ZNG1A: variants seen among roughly 807,000 people sequenced by gnomAD.
ZNG1A encodes the protein Zn regulated GTPase metalloprotein activator 1A.
chr9:146,418 A>G, the ZNG1A span: 1 of 331,802 alleles, frequency 3.0e-6, no homozygotes. Flanking sequence ...TTATAGCTAA[A>G]AAATCAGCTA....
chr9:138,191 G>C, the ZNG1A span, among the ~76,000 whole-genome samples: 3 of 151,838 alleles, frequency 2.0e-5, no homozygotes, highest in South Asian at 2.1e-4. Flanking sequence ...AATTTGTTTA[G>C]TCTAAAAAGG....
At chr9:168,407 C>T in the ZNG1A span, among the ~76,000 whole-genome samples, 31 of 151,916 alleles carry the variant, frequency 2.0e-4, no homozygotes, top group African/African-American at 6.8e-4. Flanking sequence ...CTCCCACCAC[C>T]AAGCCAGGCT....
At chr9:171,211 C>G in the ZNG1A span, among the ~76,000 whole-genome samples, 1 of 152,102 alleles carries the variant, frequency 6.6e-6, no homozygotes, top group Non-Finnish European at 1.5e-5. Context: ...ACAATAACCA[C>G]TGATCACATT....
the ZNG1A span, among the ~76,000 whole-genome samples, chr9:123,906 G>A: frequency 6.6e-6 from 1 of 151,712 alleles, no homozygotes; most frequent in African/African-American, 2.4e-5. Context: ...ATAAATTGGG[G>A]AAAATAAGGG....
At chr9:123,672 A>G in the ZNG1A span, 1 of 565,940 alleles carries the variant, frequency 1.8e-6, no homozygotes, top group Admixed American at 3.1e-5. Context: ...TAGTATTTAC[A>G]CAAACTACTA....
chr9:158,775 C>A, the ZNG1A span, among the ~76,000 whole-genome samples: 2 of 151,576 alleles, frequency 1.3e-5, no homozygotes, highest in Non-Finnish European at 2.9e-5. Context: ...TATATGTAAT[C>A]ATATACCATT....
chr9:140,362 C>A, the ZNG1A span, among the ~76,000 whole-genome samples: 1 of 151,070 alleles, frequency 6.6e-6, no homozygotes, highest in Admixed American at 6.6e-5. Context: ...ACCCCTGACC[C>A]CCGAGCAGCC....
chr9:158,607 T>C, the ZNG1A span, among the ~76,000 whole-genome samples: 1 of 150,804 alleles, frequency 6.6e-6, no homozygotes, highest in Admixed American at 6.6e-5. Flanking sequence ...ATGTTTTAAA[T>C]GCATTTACCT....
the ZNG1A span, among the ~76,000 whole-genome samples, chr9:170,520 G>T: frequency 1.3e-5 from 2 of 150,644 alleles, no homozygotes; most frequent in Admixed American, 6.6e-5. Context: ...CTGAGTAGCT[G>T]GGATTATGGG....
the ZNG1A span, among the ~76,000 whole-genome samples, chr9:141,637 C>T: frequency 3.3e-5 from 5 of 150,672 alleles, 1 homozygote; most frequent in African/African-American, 7.4e-5. Context: ...CATCAACTAA[C>T]CAGCAAAATA....
chr9:150,563 T>C, the ZNG1A span: 11 of 983,402 alleles, frequency 1.1e-5, no homozygotes, highest in African/African-American at 3.6e-5. Context: ...AGGATTCTAA[T>C]GCAACTTCAG....
At chr9:125,301 T>C in the ZNG1A span, among the ~76,000 whole-genome samples, 1 of 150,246 alleles carries the variant, frequency 6.7e-6, no homozygotes, top group Admixed American at 6.6e-5. Flanking sequence ...ATTTCCCTGA[T>C]CATTAGTGAT....
the ZNG1A span, among the ~76,000 whole-genome samples, chr9:143,530 T>A: frequency 7.7e-5 from 9 of 117,444 alleles, no homozygotes; most frequent in African/African-American, 3.4e-4. Context: ...AATTAGGTAT[T>A]GATGGGACGT....
At chr9:126,978 G>T in the ZNG1A span, among the ~76,000 whole-genome samples, 47 of 151,922 alleles carry the variant, frequency 3.1e-4, no homozygotes, top group Admixed American at 2.7e-3. Context: ...TCCATGTATC[G>T]GCATGGTTTT....
chr9:144,633 TG>T, the ZNG1A span, among the ~76,000 whole-genome samples: 9 of 151,760 alleles, frequency 5.9e-5, no homozygotes, highest in Non-Finnish European at 1.2e-4. Context: ...GACATAGGCA[TG>T]GGCAAGGACT....
At chr9:140,053 G>T in the ZNG1A span, among the ~76,000 whole-genome samples, 1 of 150,726 alleles carries the variant, frequency 6.6e-6, no homozygotes, top group African/African-American at 2.5e-5. Flanking sequence ...AGCAGTCTGA[G>T]ATCAAACTGC....
chr9:161,306 T>C, the ZNG1A span, among the ~76,000 whole-genome samples: 1 of 151,604 alleles, frequency 6.6e-6, no homozygotes, highest in Non-Finnish European at 1.5e-5. Flanking sequence ...CTGTCTCTAC[T>C]AAAAATACAA....
the ZNG1A span, among the ~76,000 whole-genome samples, chr9:178,329 C>T: frequency 6.6e-6 from 1 of 152,058 alleles, no homozygotes; most frequent in Non-Finnish European, 1.5e-5. Flanking sequence ...GGAGCGCTCC[C>T]TGCCAGCTGG....
chr9:138,445 A>G, the ZNG1A span, among the ~76,000 whole-genome samples: 6 of 134,624 alleles, frequency 4.5e-5, no homozygotes, highest in Non-Finnish European at 1.6e-5. Context: ...CAATTCATAA[A>G]GTAAAAGGGG....
Sources: allele counts gnomAD v4.1 joint callset (sites outside exome capture counted in the v4.1 genomes callset), GRCh38; gene constraint gnomAD v4.1.1; transcripts MANE v1.5; gene names NCBI Gene and HGNC (gene_info 2026-07-23, HGNC 2026-07-21).